Variants in NLRP11 observed in about 807,000 individuals in gnomAD.
NLRP11 encodes NLR family pyrin domain containing 11.
Under a neutral mutation model 79.3 loss-of-function variants are expected in NLRP11, and 53 were observed. The ratio of observed to expected loss-of-function variants is 0.67; its 90% CI spans 0.54 to 0.84. The LOEUF (loss-of-function observed/expected upper bound fraction) is 0.84, where lower values mean the gene tolerates loss of function less well. NLRP11 is among the 40% of genes least tolerant of loss of function. NLRP11 has a pLI of 0.00. For missense variants in NLRP11, 1,264 were observed against 1,255.0 expected (o/e 1.01, Z -0.11); for synonymous variants, 518 against 462.6 (o/e 1.12, Z -1.54).
intron 4 of NLRP11, among the ~76,000 whole-genome samples, chr19:55,807,127 C>T (rs1170118012): frequency 1.3e-5 from 2 of 151,940 alleles, no homozygotes; most frequent in Non-Finnish European, 2.9e-5. Context: ...TGTCTTTTTT[C>T]CCCCCATTGA....
At position 55,788,119 on chromosome 19, in the gene NLRP11, G is replaced by T. The variant is rs534223800; in HGVS notation, c.2855+688C>A. On this transcript the variant is annotated intron_variant, in intron 9 of 9. Transcript: ENST00000589093. ...CAGTTAGGTAACACAGAAAGGAAGA[G>T]AACTTTTGCTTTTATGAGAGGAATC... is the stretch of plus-strand genomic sequence containing the variant. 2.7e-4 allele frequency among the ~76,000 whole-genome samples: 41 copies of T among 152,298 alleles called. No individual in the cohort carries two copies. In the South Asian group the frequency reaches 8.1e-3, roughly 30 times the overall value.
rs1980384223 is a variant in NLRP11, at chr19:55,809,610, C to T, written c.1000G>A (p.Gly334Ser). 1.9e-6 allele frequency: 3 copies of T among 1,614,176 alleles called. No homozygotes were observed. The highest frequency in any genetic ancestry group is 1.1e-5 in the South Asian group (1 of 91,084). ...CATAAGATGGCGACTCGGCACAGACCCACGAGTATTTCATCCTCATGTACA... is the reference window on the plus strand; with the variant it reads ...CATAAGATGGCGACTCGGCACAGACTCACGAGTATTTCATCCTCATGTACA... Residue 334 changes from glycine (G) to serine (S), a missense_variant, in exon 3 of 10, where the codon GGT becomes AGT. Physicochemically the swap from Gly to Ser is moderately conservative, Grantham distance 56 (BLOSUM62 0). Transcript: ENST00000589093. This position sits in a 1 kb window ranked among gnomAD's most constrained non-coding sequence, Gnocchi z 4.5.
exon 2 of NLRP11, chr19:55,818,013 G>A (rs144479075): frequency 1.2e-5 from 19 of 1,613,458 alleles, no homozygotes; most frequent in African/African-American, 6.7e-5. Flanking sequence ...TTGGCAACAC[G>A]TTAGCCAGTT....
At chr19:55,822,424 T>A (rs972564939) in intron 1 of NLRP11, among the ~76,000 whole-genome samples, 1 of 152,138 alleles carries the variant, frequency 6.6e-6, no homozygotes, top group Non-Finnish European at 1.5e-5. Flanking sequence ...GATGGCCGAA[T>A]AGGAACAGCT....
At position 55,809,113 on chromosome 19, in the gene NLRP11, T is replaced by A; in HGVS notation, c.1497A>T (p.Leu499=). ...CAAGAATCTTTCTCCTGTTTGCATT[T>A]AGAAGACCAAAAATGAAAGTAAACA... The change falls in exon 3 of 10, where the codon CTA becomes CTT. Residue 499 remains leucine, a synonymous_variant. Transcript: ENST00000589093. This position sits in a 1 kb window ranked among gnomAD's most constrained non-coding sequence, Gnocchi z 4.5. The A allele has an allele frequency of 6.2e-7, 1 of 1,613,970 alleles. No homozygotes were observed. Among genetic ancestry groups the A allele is most frequent in the South Asian group, 1.1e-5 (1 of 91,072 alleles).
At position 55,795,304 on chromosome 19, in the gene NLRP11, T is replaced by A. The variant is rs555032052; in HGVS notation, c.2342+776A>T. On this transcript the variant is annotated intron_variant, in intron 6 of 9. Coordinates refer to ENST00000589093, the Ensembl canonical transcript of NLRP11. Reference sequence around the variant, plus strand: ...TTGAAAGGAGACTCAGGGGAAAAAATCCTATTTCAAGGCAATCTAGCACCA... The same window carrying A: ...TTGAAAGGAGACTCAGGGGAAAAAAACCTATTTCAAGGCAATCTAGCACCA... 1.4e-4 allele frequency among the ~76,000 whole-genome samples: 21 copies of A among 151,974 alleles called. No homozygotes were observed. The South Asian group carries it at 4.4e-3, about 32-fold the overall frequency.
intron 7 of NLRP11, among the ~76,000 whole-genome samples, chr19:55,791,538 G>A (rs1990232656): frequency 6.6e-6 from 1 of 152,144 alleles, no homozygotes; most frequent in Admixed American, 6.5e-5. Context: ...AAGCCATAGT[G>A]TTGCTATTTT....
intron 6 of NLRP11, 71 bp from the exon 7 acceptor site, chr19:55,792,542 C>A: frequency 7.9e-7 from 1 of 1,260,906 alleles, no homozygotes; most frequent in Non-Finnish European, 1.1e-6. Flanking sequence ...ACCACCCACC[C>A]CACGCCCACG....
At chr19:55,787,450 C>T (rs113361958) in intron 9 of NLRP11, among the ~76,000 whole-genome samples, 2 of 152,170 alleles carry the variant, frequency 1.3e-5, no homozygotes, top group African/African-American at 4.8e-5. Context: ...GATTCTCGTG[C>T]CTCAGCCTCC....
chr19:55,798,407 G>C (rs555823615), intron 5 of NLRP11: 162 of 889,898 alleles, frequency 1.8e-4, no homozygotes, highest in Non-Finnish European at 2.1e-4. Context: ...ACTAACATAA[G>C]GACAGAAAAC....
chr19:55,809,357 C>G lies in NLRP11; in HGVS notation c.1253G>C (p.Arg418Thr). ...ATCAGCCTCAGTAAACCCAACACAT[C>G]TGAGGTCTTCACCACTGAAATTCAG... The change falls in exon 3 of 10, where the codon AGA becomes ACA. Residue 418 changes from arginine (R) to threonine (T), a missense_variant. By Grantham distance (71) the Arg-to-Thr change is moderately conservative. Coordinates refer to ENST00000589093, the Ensembl canonical transcript of NLRP11. The surrounding 1 kb of genome is among the most constrained non-coding windows in gnomAD (Gnocchi z 4.5). 6.2e-7 allele frequency: 1 copy of G among 1,614,190 alleles called. No homozygotes were observed.
chr19:55,786,038 C>A (rs752650898), intron 9 of NLRP11, among the ~76,000 whole-genome samples, 167 bp from the exon 10 acceptor site: 10 of 152,146 alleles, frequency 6.6e-5, no homozygotes, highest in Non-Finnish European at 1.5e-4. Context: ...CGTGAGATAG[C>A]GATTTCTCCA....
chr19:55,833,402 T>G (rs549923784), upstream of NLRP11, among the ~76,000 whole-genome samples: 3 of 151,990 alleles, frequency 2.0e-5, no homozygotes, highest in Non-Finnish European at 4.4e-5. Flanking sequence ...CATAGGTGGG[T>G]GGGAGGTGGG....
chr19:55,795,937 C>T (rs1377105019), intron 6 of NLRP11, 143 bp downstream of exon 6: 14 of 706,992 alleles, frequency 2.0e-5, no homozygotes, highest in Non-Finnish European at 3.1e-5. Flanking sequence ...AGAGTATTAA[C>T]CCAGACCTAC....
chr19:55,832,475 G>T (rs1472498239), upstream of NLRP11, among the ~76,000 whole-genome samples: 1 of 152,166 alleles, frequency 6.6e-6, no homozygotes, highest in Admixed American at 6.5e-5. Context: ...GCGGAGGCAC[G>T]TCCTAGATCC....
chr19:55,818,013 G>T, exon 2 of NLRP11: 2 of 1,613,576 alleles, frequency 1.2e-6, no homozygotes, highest in Non-Finnish European at 1.7e-6. Context: ...TTGGCAACAC[G>T]TTAGCCAGTT....
At chr19:55,815,193 CT>C (rs1980982819) in intron 2 of NLRP11, among the ~76,000 whole-genome samples, 1 of 152,038 alleles carries the variant, frequency 6.6e-6, no homozygotes, top group Admixed American at 6.5e-5. Context: ...ATATGCACCC[CT>C]ATTAAGCTTT....
intron 7 of NLRP11, among the ~76,000 whole-genome samples, chr19:55,789,886 C>T (rs1299096626): frequency 2.0e-5 from 3 of 152,176 alleles, no homozygotes; most frequent in Admixed American, 6.5e-5. Context: ...CACGATTGTC[C>T]GTGTTCTCCC....
At chr19:55,795,716 C>A (rs1340398134) in intron 6 of NLRP11, among the ~76,000 whole-genome samples, 1 of 152,096 alleles carries the variant, frequency 6.6e-6, no homozygotes, top group African/African-American at 2.4e-5. Context: ...TCTTGAACTC[C>A]TGACCTTGTG....
Sources: gnomAD v4.1 joint callset for allele counts (sites outside exome capture counted in the v4.1 genomes callset) on GRCh38, gnomAD v4.1.1 for gene constraint, Gnocchi (gnomAD v3.1) non-coding constraint, MANE v1.5 for transcripts, NCBI Gene and HGNC (gene_info 2026-07-23, HGNC 2026-07-21) for gene names.